The following ADCY8 variants were observed in gnomAD, a reference collection of about 807,000 sequenced individuals.
ADCY8 encodes adenylate cyclase 8.
Under a neutral mutation model 119.7 loss-of-function variants are expected in ADCY8, and 51 were observed. That is an observed-to-expected ratio of 0.43 (90% CI 0.34 to 0.54). ADCY8 has a LOEUF of 0.54. Among genes scored for constraint, ADCY8 ranks in the 20% least tolerant of loss-of-function variants. ADCY8 has a pLI of 0.03. For synonymous variants in ADCY8, 665 were observed against 651.0 expected, an observed-to-expected ratio of 1.02 and a Z score of -0.33; for missense variants, 1,383 against 1,598.8, an observed-to-expected ratio of 0.87 and a Z score of 2.30.
chr8:131,003,513 A>G (rs1052041793), intron 1 of ADCY8, among the ~76,000 whole-genome samples: 4 of 152,176 alleles, frequency 2.6e-5, no homozygotes, highest in African/African-American at 9.6e-5. Flanking sequence ...CCATTTAGAA[A>G]TCCTGCCAAC....
intron 2 of ADCY8, among the ~76,000 whole-genome samples, chr8:130,989,063 A>C (rs1279311349): frequency 6.6e-6 from 1 of 152,176 alleles, no homozygotes; most frequent in African/African-American, 2.4e-5. Context: ...CCTGGGAGAT[A>C]CTCATGTTTA....
intron 11 of ADCY8, among the ~76,000 whole-genome samples, chr8:130,845,404 G>C (rs1414576997): frequency 6.6e-6 from 1 of 152,138 alleles, no homozygotes; most frequent in Non-Finnish European, 1.5e-5. Flanking sequence ...ATGTAAAGAA[G>C]GTATTAATTT....
At chr8:130,996,480 C>A (rs1480393787) in intron 1 of ADCY8, among the ~76,000 whole-genome samples, 2 of 151,922 alleles carry the variant, frequency 1.3e-5, no homozygotes, top group African/African-American at 4.8e-5. Context: ...CAGAGAAAAA[C>A]CCAACTGCAA....
At chr8:130,853,785 C>A (rs1375945192) in intron 9 of ADCY8, among the ~76,000 whole-genome samples, 1 of 152,050 alleles carries the variant, frequency 6.6e-6, no homozygotes, top group Non-Finnish European at 1.5e-5. Flanking sequence ...GGTCCAGTGG[C>A]AAGAGCAAAG....
At chr8:130,943,300 T>C in intron 4 of ADCY8, 51 bp downstream of exon 4, 2 of 1,285,874 alleles carry the variant, frequency 1.6e-6, no homozygotes, top group Non-Finnish European at 2.3e-6. Context: ...TTATTCCATA[T>C]GCAGTCCCTC....
At chr8:130,836,041 T>C (rs1338271958) in intron 12 of ADCY8, among the ~76,000 whole-genome samples, 1 of 152,218 alleles carries the variant, frequency 6.6e-6, no homozygotes, top group Non-Finnish European at 1.5e-5. Context: ...GGAGGAGACC[T>C]GAGCTACTAT....
chr8:130,947,689 T>C (rs543451065), intron 3 of ADCY8, among the ~76,000 whole-genome samples: 1 of 152,226 alleles, frequency 6.6e-6, no homozygotes, highest in South Asian at 2.1e-4. Context: ...TCCTTGACAA[T>C]TGGTCACTAA....
chr8:130,950,509 A>T (rs545421124), intron 3 of ADCY8, among the ~76,000 whole-genome samples: 2 of 152,230 alleles, frequency 1.3e-5, no homozygotes, highest in Admixed American at 1.3e-4. Flanking sequence ...GTTTGGGGAC[A>T]GGGTTGATTG....
At chr8:131,030,546 C>T (rs547808138) in intron 1 of ADCY8, among the ~76,000 whole-genome samples, 8 of 152,152 alleles carry the variant, frequency 5.3e-5, no homozygotes, top group Non-Finnish European at 1.0e-4. Context: ...TCCCTGAATC[C>T]TGTGCTCCAG....
At chr8:130,963,113 CTTT>C (rs764620332) in intron 2 of ADCY8, among the ~76,000 whole-genome samples, 1 of 130,364 alleles carries the variant, frequency 7.7e-6, no homozygotes. Flanking sequence ...GTTTTTCTTT[CTTT>C]TTTTTTTTTT....
intron 12 of ADCY8, among the ~76,000 whole-genome samples, chr8:130,832,991 T>C (rs1242047611): frequency 1.3e-5 from 2 of 152,228 alleles, no homozygotes; most frequent in African/African-American, 4.8e-5. Context: ...TTTAATTCCA[T>C]AAATTGTAGA....
At chr8:130,990,621 A>C in intron 1 of ADCY8, 79 bp from the exon 2 acceptor site, 1 of 1,539,100 alleles carries the variant, frequency 6.5e-7, no homozygotes, top group East Asian at 2.3e-5. Flanking sequence ...AATAAATATG[A>C]ATTTCCAAGG....
chr8:130,837,464 T>C lies in ADCY8; in HGVS notation c.2503-1015A>G, dbSNP rs140767763. On this transcript the variant is annotated intron_variant, in intron 11 of 17. Transcript: ENST00000286355. ...CAATATCTCCAGCTACGTTTGGATC[T>C]TGCTTCATTCCTCCACAGCACCCTG... Among the ~76,000 whole-genome samples the C allele has an allele frequency of 5.9e-4, 90 of 152,332 alleles. 2 individuals are homozygous for C. In the East Asian group the frequency reaches 0.013, roughly 22 times the overall value.
chr8:130,849,919 G>C (rs546705184), intron 9 of ADCY8, 116 bp from the exon 10 acceptor site: 1 of 1,035,608 alleles, frequency 9.7e-7, no homozygotes, highest in South Asian at 1.6e-5. Context: ...TGAAAGTTCT[G>C]TTTGTCCAAG....
At chr8:130,857,161 C>T (rs1817767457) in intron 9 of ADCY8, among the ~76,000 whole-genome samples, 2 of 151,370 alleles carry the variant, frequency 1.3e-5, no homozygotes, top group South Asian at 4.2e-4. Context: ...TTAATGGGTG[C>T]AGCACACCAG....
At chr8:131,037,065 T>C (rs1210704099) in intron 1 of ADCY8, among the ~76,000 whole-genome samples, 1 of 152,194 alleles carries the variant, frequency 6.6e-6, no homozygotes, top group African/African-American at 2.4e-5. Context: ...ATCTGCGCGA[T>C]CTAGGAAAGA....
At position 130,888,269 on chromosome 8, in the gene ADCY8, C is replaced by A. The variant is rs1049718510; in HGVS notation, c.1912-3508G>T. Among the ~76,000 whole-genome samples, 4 of 151,460 alleles carry A rather than the reference C, an allele frequency of 2.6e-5. No homozygotes were observed. In the South Asian group the frequency reaches 8.3e-4, roughly 31 times the overall value. On this transcript the variant is annotated intron_variant, in intron 7 of 17. Transcript: ENST00000286355. The stretch of plus-strand genomic sequence containing the variant: ...TGCTTCAATGTATGATTGAAGTATA[C>A]ATTGTATTTATATATAATATATGTA...
chr8:130,903,668 G>A (rs1819681506), intron 7 of ADCY8, 104 bp downstream of exon 7: 7 of 1,303,726 alleles, frequency 5.4e-6, no homozygotes, highest in South Asian at 1.4e-5. Context: ...GGTGTTCATT[G>A]GAGAAAAGGT....
intron 9 of ADCY8, among the ~76,000 whole-genome samples, chr8:130,850,101 C>A (rs1304376566): frequency 6.6e-6 from 1 of 152,134 alleles, no homozygotes; most frequent in African/African-American, 2.4e-5. Flanking sequence ...TGGCAACACA[C>A]CACTCTAGTT....
Sources: gnomAD v4.1 joint callset for allele counts (sites outside exome capture counted in the v4.1 genomes callset) on GRCh38, gnomAD v4.1.1 for gene constraint, MANE v1.5 for transcripts, NCBI Gene and HGNC (gene_info 2026-07-23, HGNC 2026-07-21) for gene names.